GLIS3: variants seen among roughly 807,000 people sequenced by gnomAD.
GLIS3 encodes zinc finger protein GLIS3.
Under a neutral mutation model 78.6 loss-of-function variants are expected in GLIS3, and 53 were observed. The ratio of observed to expected loss-of-function variants is 0.67; its 90% CI spans 0.54 to 0.85. The LOEUF (loss-of-function observed/expected upper bound fraction) is 0.85. GLIS3 is among the 40% of genes least tolerant of loss of function. The pLI is 0.00. For missense variants in GLIS3, 1,703 were observed against 1,231.1 expected (o/e 1.38, Z -5.74); for synonymous variants, 684 against 509.9 (o/e 1.34, Z -4.60).
intron 8 of GLIS3, among the ~76,000 whole-genome samples, chr9:3,864,562 C>T (rs1378965503): frequency 1.3e-5 from 2 of 152,158 alleles, no homozygotes; most frequent in Non-Finnish European, 2.9e-5. Context: ...GAAGCCACAA[C>T]CAGAGAAGAT....
intron 4 of GLIS3, among the ~76,000 whole-genome samples, chr9:4,021,130 T>C (rs1762302447): frequency 1.3e-5 from 2 of 151,888 alleles, no homozygotes; most frequent in Admixed American, 6.6e-5. Context: ...ACAAAGTGTA[T>C]ATACTATAGT....
chr9:4,414,819 AGAT>A, the GLIS3 span, among the ~76,000 whole-genome samples: 6 of 152,056 alleles, frequency 3.9e-5, no homozygotes, highest in Admixed American at 2.6e-4. Flanking sequence ...ACCGTATTCC[AGAT>A]GATGTCTGAT....
intron 2 of GLIS3, among the ~76,000 whole-genome samples, chr9:4,249,909 G>A (rs1055371885): frequency 6.6e-6 from 1 of 152,186 alleles, no homozygotes; most frequent in African/African-American, 2.4e-5. Context: ...CTGTTTATGT[G>A]ATGGATTACA....
At chr9:4,322,043 G>C (rs1022724326) in intron 2 of GLIS3, among the ~76,000 whole-genome samples, 6 of 151,870 alleles carry the variant, frequency 4.0e-5, no homozygotes, top group African/African-American at 1.5e-4. Flanking sequence ...CCGAGCCCAC[G>C]ACAGGCCCTG....
chr9:4,155,417 G>A (rs529643905), intron 2 of GLIS3, among the ~76,000 whole-genome samples: 1 of 152,220 alleles, frequency 6.6e-6, no homozygotes, highest in Admixed American at 6.5e-5. Context: ...CCTGGCCGTG[G>A]CGTAGATTCT....
intron 6 of GLIS3, among the ~76,000 whole-genome samples, chr9:3,922,841 C>G (rs1326916526): frequency 2.0e-5 from 3 of 152,056 alleles, no homozygotes; most frequent in Non-Finnish European, 4.4e-5. Context: ...ATCTAATGAC[C>G]AGAAAGCTTC....
chr9:4,144,044 G>T (rs1834018310), intron 2 of GLIS3, among the ~76,000 whole-genome samples: 1 of 152,140 alleles, frequency 6.6e-6, no homozygotes, highest in African/African-American at 2.4e-5. Context: ...TCAAAAATGT[G>T]TCAGCATGGT....
chr9:4,333,390 GGAAA>G (rs759963490), intron 2 of GLIS3, among the ~76,000 whole-genome samples: 8 of 149,282 alleles, frequency 5.4e-5, no homozygotes, highest in South Asian at 4.3e-4. Flanking sequence ...AGGGAGAGAG[GGAAA>G]GAAAGAAAGA....
chr9:3,853,894 C>T (rs10973830), intron 9 of GLIS3, among the ~76,000 whole-genome samples: 3,510 of 152,266 alleles, frequency 0.023, 163 homozygotes, highest in African/African-American at 0.081. Context: ...TGTTATACTG[C>T]ATTTTCTTGG....
chr9:4,196,090 G>C (rs1054597940), intron 2 of GLIS3, among the ~76,000 whole-genome samples: 3 of 152,060 alleles, frequency 2.0e-5, no homozygotes, highest in African/African-American at 7.2e-5. Flanking sequence ...ACTCTGTCTA[G>C]CTCAAGGTTT....
intron 2 of GLIS3, among the ~76,000 whole-genome samples, chr9:4,260,780 T>C (rs1002230564): frequency 6.6e-6 from 1 of 151,956 alleles, no homozygotes; most frequent in African/African-American, 2.4e-5. Flanking sequence ...GACTGACTTG[T>C]CAAACACTTG....
At chr9:4,135,118 T>A (rs1041224956) in intron 2 of GLIS3, among the ~76,000 whole-genome samples, 8 of 152,196 alleles carry the variant, frequency 5.3e-5, no homozygotes, top group Non-Finnish European at 1.0e-4. Flanking sequence ...GCATATACAT[T>A]TCATCCCTAA....
intron 2 of GLIS3, among the ~76,000 whole-genome samples, chr9:4,261,984 T>C (rs1825575332): frequency 6.6e-6 from 1 of 152,226 alleles, no homozygotes; most frequent in African/African-American, 2.4e-5. Flanking sequence ...GGCTGTGTTC[T>C]AAAAGTTCCT....
rs1053315686 is a variant in GLIS3, at chr9:4,257,305, T to C, written c.388+28733A>G. Among the ~76,000 whole-genome samples the C allele has an allele frequency of 1.1e-4, 16 of 152,070 alleles. No homozygotes were observed. The South Asian group carries it at 2.7e-3, about 26-fold the overall frequency. On this transcript the variant is annotated intron_variant, in intron 2 of 10. Transcript: ENST00000381971. ...ATTTTTAAAAATTGAATACAGTACA[T>C]AGAAGCAGAGAGTAGATGAGTGGGG... is the stretch of plus-strand genomic sequence containing the variant.
chr9:3,907,653 C>CACAA (rs1563837094), intron 6 of GLIS3, among the ~76,000 whole-genome samples: 1 of 150,004 alleles, frequency 6.7e-6, no homozygotes, highest in East Asian at 2.0e-4. Flanking sequence ...CACACACACA[C>CACAA]ACTACTAAAC....
chr9:4,208,162 G>C (rs930024864), intron 2 of GLIS3, among the ~76,000 whole-genome samples: 2 of 152,202 alleles, frequency 1.3e-5, no homozygotes, highest in Non-Finnish European at 1.5e-5. Flanking sequence ...TGACAAAGCA[G>C]ATTCTTGCCA....
the GLIS3 span, among the ~76,000 whole-genome samples, chr9:4,464,541 C>T: frequency 6.6e-6 from 1 of 151,890 alleles, no homozygotes; most frequent in African/African-American, 2.4e-5. Context: ...ATTACAAGTG[C>T]CCACCACAAC....
chr9:4,273,688 C>G (rs935688724), intron 2 of GLIS3, among the ~76,000 whole-genome samples: 18 of 151,338 alleles, frequency 1.2e-4, no homozygotes, highest in African/African-American at 4.4e-4. Context: ...ATGCCATTTT[C>G]TGTTCCACCA....
intron 2 of GLIS3, among the ~76,000 whole-genome samples, chr9:4,132,031 C>G (rs1833013618): frequency 6.7e-6 from 1 of 149,116 alleles, no homozygotes; most frequent in African/African-American, 2.5e-5. Flanking sequence ...TGCTTTAAGT[C>G]TACGGCCAAT....
Sources: gnomAD v4.1 joint callset for allele counts (sites outside exome capture counted in the v4.1 genomes callset) on GRCh38, gnomAD v4.1.1 for gene constraint, MANE v1.5 for transcripts, NCBI Gene and HGNC (gene_info 2026-07-23, HGNC 2026-07-21) for gene names.